RNF19A: variants seen among roughly 807,000 people sequenced by gnomAD.
RNF19A encodes the protein ring finger protein 19A, RBR E3 ubiquitin protein ligase, also known as E3 ubiquitin-protein ligase RNF19A.
Under a neutral mutation model 75.7 loss-of-function variants are expected in RNF19A, and 32 were observed. The ratio of observed to expected loss-of-function variants is 0.42; its 90% confidence interval spans 0.32 to 0.57. The LOEUF is 0.57. Among genes scored for constraint, RNF19A ranks in the 20% least tolerant of loss-of-function variants. The pLI is 0.10. For synonymous variants in RNF19A, 335 were observed against 345.2 expected, an observed-to-expected ratio of 0.97 and a Z score of 0.33; for missense variants, 782 against 1,036.3, an observed-to-expected ratio of 0.75 and a Z score of 3.37.
In RNF19A at chr8:100,287,804, T is replaced by C. The variant is rs1189356770; in HGVS notation, c.371A>G (p.Lys124Arg). Residue 124 changes from lysine (K) to arginine (R), a missense_variant, in exon 2 of 10, where the codon AAA (lysine) becomes AGA (arginine). Transcript: ENST00000341084. The surrounding 1 kb of genome is among the most constrained non-coding windows in gnomAD (Gnocchi z 4.1). The stretch of plus-strand genomic sequence containing the variant: ...GCACTCTATGAAGTCTCCAATTTGT[T>C]TGCTGATGGAAGTTAATCCATTGTC... ...SSDNGLTSIS[K>R]QIGDFIECPL... is the part of the protein sequence containing the mutation. The C allele has an allele frequency of 3.1e-6, 5 of 1,614,206 alleles. No individual in the cohort carries two copies. Among genetic ancestry groups the C allele is most frequent in the Non-Finnish European group, 3.4e-6 (4 of 1,180,030 alleles).
At chr8:100,270,274 GA>G (rs1244301601) in intron 3 of RNF19A, among the ~76,000 whole-genome samples, 1 of 152,028 alleles carries the variant, frequency 6.6e-6, no homozygotes, top group Non-Finnish European at 1.5e-5. Flanking sequence ...AGAATAAAAA[GA>G]GAAAGGAGAA....
intron 1 of RNF19A, among the ~76,000 whole-genome samples, chr8:100,326,714 C>T (rs927698286): frequency 3.3e-5 from 5 of 152,200 alleles, no homozygotes; most frequent in Non-Finnish European, 5.9e-5. Flanking sequence ...CTTCCCTCTT[C>T]CAAGACCTTA....
intron 1 of RNF19A, among the ~76,000 whole-genome samples, chr8:100,335,749 G>A (rs1048853427): frequency 1.3e-5 from 2 of 152,202 alleles, no homozygotes; most frequent in African/African-American, 4.8e-5. Context: ...CCAGTGCACT[G>A]GACAGTGACG....
At chr8:100,335,690 C>G (rs574970458) in intron 1 of RNF19A, among the ~76,000 whole-genome samples, 1 of 152,156 alleles carries the variant, frequency 6.6e-6, no homozygotes, top group South Asian at 2.1e-4. Context: ...CTAGATGGAG[C>G]CTGATTCTCT....
intron 3 of RNF19A, among the ~76,000 whole-genome samples, chr8:100,273,904 C>T (rs1229741410): frequency 6.6e-6 from 1 of 152,116 alleles, no homozygotes; most frequent in African/African-American, 2.4e-5. Context: ...TGCCTCACCT[C>T]CCGAGTAGCT....
intron 1 of RNF19A, among the ~76,000 whole-genome samples, chr8:100,309,107 A>G (rs1480645327): frequency 6.6e-6 from 1 of 152,206 alleles, no homozygotes; most frequent in Non-Finnish European, 1.5e-5. Context: ...TGGAACCCAG[A>G]TAAGAAAAAC....
chr8:100,335,550 A>G (rs1326459968), intron 1 of RNF19A, among the ~76,000 whole-genome samples: 2 of 152,242 alleles, frequency 1.3e-5, no homozygotes, highest in African/African-American at 4.8e-5. Context: ...TTTTACTTTA[A>G]TAATTTTTAA....
At chr8:100,309,599 CTCGGCCCCCGCGGCCCGG>C in intron 1 of RNF19A, 1 of 963,590 alleles carries the variant, frequency 1.0e-6, no homozygotes, top group Non-Finnish European at 1.2e-6. Flanking sequence ...CACGCTCCAC[CTCGGCCCCCGCGGCCCGG>C]GAGACGCCCG....
chr8:100,327,245 C>CTTTTTTTTTTTTTTT (rs71303441), intron 1 of RNF19A, among the ~76,000 whole-genome samples: 3 of 75,836 alleles, frequency 4.0e-5, no homozygotes, highest in Non-Finnish European at 7.0e-5. Context: ...GCAATTACTT[C>CTTTTTTTTTTTTTTT]TTTTTTTTTT....
rs764778067 is a variant in RNF19A, at chr8:100,268,906, C to T, written c.1070G>A (p.Arg357Gln). The T allele has an allele frequency of 8.8e-6, 14 of 1,599,186 alleles. No homozygotes were observed. The South Asian group carries it at 1.1e-4, about 13-fold the overall frequency. Reference sequence around the variant, plus strand: ...CAGTTGCCACAATATTTTCTTCTTTCGGCTCCAGGGTTTCTTCCCCCAAAA... The same window carrying T: ...CAGTTGCCACAATATTTTCTTCTTTTGGCTCCAGGGTTTCTTCCCCCAAAA... ...CTFWGKKPWS[R>Q]KKKILWQLGT... is the part of the protein sequence containing the mutation. Residue 357 changes from arginine (R) to glutamine (Q), a missense_variant, in exon 5 of 10, where the codon CGA becomes CAA. Coordinates refer to ENST00000341084, the MANE Select transcript of RNF19A (RefSeq NM_183419.4).
intron 5 of RNF19A, among the ~76,000 whole-genome samples, chr8:100,265,474 T>C (rs1376662198): frequency 6.6e-6 from 1 of 151,270 alleles, no homozygotes; most frequent in Admixed American, 6.6e-5. Flanking sequence ...GATATCATCA[T>C]AGAAGCGGTG....
intron 2 of RNF19A, among the ~76,000 whole-genome samples, chr8:100,279,254 T>G (rs1196647225): frequency 6.6e-6 from 1 of 152,222 alleles, no homozygotes; most frequent in East Asian, 1.9e-4. Context: ...CAGTATAAAA[T>G]ATACATATAT....
Position 100,332,294 on chromosome 8 carries a change from C to A in RNF19A, c.-243+3814G>T, listed in dbSNP as rs947572059. Among the ~76,000 whole-genome samples the A allele has an allele frequency of 2.0e-5, 3 of 151,742 alleles. No homozygotes were observed. The highest frequency in any genetic ancestry group is 2.1e-4 in the South Asian group (1 of 4,822). On this transcript the variant is annotated intron_variant, in intron 1 of 3. Coordinates refer to the RNF19A transcript ENST00000519527. The surrounding 1 kb of genome is among the most constrained non-coding windows in gnomAD (Gnocchi z 4.8). ...TGATTGGGTCATGGTGGTAATTTCCCCCATGTTGTTCTCATGATAGTGAGT... is the reference window on the plus strand; with the variant it reads ...TGATTGGGTCATGGTGGTAATTTCCACCATGTTGTTCTCATGATAGTGAGT...
At chr8:100,291,967 CTTTTTTTTTTTTT>C (rs56737985) in intron 1 of RNF19A, among the ~76,000 whole-genome samples, 2 of 99,988 alleles carry the variant, frequency 2.0e-5, no homozygotes, top group Non-Finnish European at 3.9e-5. Context: ...AGGACTAAGT[CTTTTTTTTTTTTT>C]TTTTTTTTTC....
chr8:100,328,044 T>C (rs1822558169), intron 1 of RNF19A, among the ~76,000 whole-genome samples: 1 of 152,184 alleles, frequency 6.6e-6, no homozygotes, highest in South Asian at 2.1e-4. Flanking sequence ...TTTATAAGAA[T>C]GGCTGTCTTT....
At chr8:100,301,423 TA>T (rs1273369490) in intron 1 of RNF19A, among the ~76,000 whole-genome samples, 1 of 152,234 alleles carries the variant, frequency 6.6e-6, no homozygotes, top group Admixed American at 6.5e-5. Flanking sequence ...AGATGAAGAA[TA>T]AATTTCAAGT....
At chr8:100,308,662 T>TA (rs201957875) in intron 1 of RNF19A, among the ~76,000 whole-genome samples, 4,230 of 149,770 alleles carry the variant, frequency 0.028, 79 homozygotes, top group Admixed American at 0.044. Flanking sequence ...AAAGATATTT[T>TA]AAAAAAATGA....
intron 1 of RNF19A, among the ~76,000 whole-genome samples, chr8:100,304,288 G>A (rs1236585514): frequency 6.6e-6 from 1 of 152,118 alleles, no homozygotes; most frequent in African/African-American, 2.4e-5. Flanking sequence ...TAAAGGGTAT[G>A]GCTATAAGGA....
upstream of RNF19A, chr8:100,310,447 T>A: frequency 5.9e-6 from 1 of 168,702 alleles, no homozygotes; most frequent in Non-Finnish European, 1.2e-5. Flanking sequence ...TCGGGGTGGC[T>A]GGAGCTGCGC....
Sources: allele counts gnomAD v4.1 joint callset (sites outside exome capture counted in the v4.1 genomes callset), GRCh38; gene constraint gnomAD v4.1.1; non-coding constraint Gnocchi (gnomAD v3.1); transcripts MANE v1.5; gene names NCBI Gene and HGNC (gene_info 2026-07-23, HGNC 2026-07-21).